GMEB2: variants seen among roughly 807,000 people sequenced by gnomAD.
GMEB2 encodes glucocorticoid modulatory element-binding protein 2.
GMEB2 carries 7 observed loss-of-function variants against 45.7 expected under a neutral mutation model. That is an observed-to-expected ratio of 0.15 (90% CI 0.09 to 0.29). The LOEUF is 0.29. Ranked by LOEUF, GMEB2 falls within the 10% of genes least tolerant of loss-of-function variation. The probability of loss-of-function intolerance (pLI) is 1.00; values close to 1 mark genes in which losing one functional copy is unlikely to be tolerated. For synonymous variants in GMEB2, 322 were observed against 323.6 expected (o/e 1.00, Z 0.05); for missense variants, 582 against 739.2 (o/e 0.79, Z 2.47).
intron 4 of GMEB2, among the ~76,000 whole-genome samples, chr20:63,601,637 G>A (rs1291464337): frequency 6.6e-6 from 1 of 151,918 alleles, no homozygotes; most frequent in South Asian, 2.1e-4. Flanking sequence ...GCCTCCCAAA[G>A]TGTCAGGATT....
chr20:63,620,871 T>C (rs1045561527), intron 1 of GMEB2, among the ~76,000 whole-genome samples: 1 of 152,162 alleles, frequency 6.6e-6, no homozygotes, highest in Non-Finnish European at 1.5e-5. Context: ...GTCTGGTTGA[T>C]TCTCAAAGGA....
intron 4 of GMEB2, among the ~76,000 whole-genome samples, chr20:63,601,622 C>T (rs1436519912): frequency 4.6e-5 from 7 of 152,104 alleles, no homozygotes; most frequent in Admixed American, 3.3e-4. Context: ...AATCCTCCTG[C>T]CTCGGCCTCC....
At chr20:63,618,704 G>A (rs1032332839) in intron 2 of GMEB2, among the ~76,000 whole-genome samples, 7 of 152,138 alleles carry the variant, frequency 4.6e-5, no homozygotes, top group Admixed American at 2.0e-4. Context: ...GGCAGCCTGG[G>A]ACTGCCCGGG....
At chr20:63,595,120 A>T (rs549214617) in intron 6 of GMEB2, among the ~76,000 whole-genome samples, 3 of 152,358 alleles carry the variant, frequency 2.0e-5, no homozygotes, top group African/African-American at 7.2e-5. Context: ...AGAGCTACAG[A>T]CACCAACGTG....
chr20:63,623,569 C>T (rs1362180627), intron 1 of GMEB2, among the ~76,000 whole-genome samples: 2 of 151,802 alleles, frequency 1.3e-5, no homozygotes, highest in African/African-American at 4.8e-5. Context: ...GAGGCCGCGG[C>T]GGGTGGATCA....
In GMEB2 at chr20:63,589,127, G is replaced by A. The variant is rs932238273; in HGVS notation, c.*962C>T. On this transcript the variant is annotated 3_prime_UTR_variant, in exon 10 of 10. Transcript: ENST00000370077. ...CTGAAGGGCCCACATGGGAATCCTC[G>A]ACCTCCATAGTGACTGGTTCTGTTT... 201 of 398,786 alleles carry A rather than the reference G, an allele frequency of 5.0e-4. No individual in the cohort carries two copies. Among genetic ancestry groups the A allele is most frequent in the Non-Finnish European group, 6.6e-5 (15 of 226,148 alleles). 24.7% of individuals were successfully genotyped at this position (398,786 alleles called of 1,614,324 possible).
intron 1 of GMEB2, among the ~76,000 whole-genome samples, chr20:63,621,667 C>CAAAAAAAAA (rs56222018): frequency 3.7e-5 from 2 of 54,610 alleles, no homozygotes; most frequent in Non-Finnish European, 6.1e-5. Context: ...AACTCCATCT[C>CAAAAAAAAA]AAAAAAAAAA....
In GMEB2 at chr20:63,610,389, C is replaced by T. The variant is rs181778010; in HGVS notation, c.132-5549G>A. Among the ~76,000 whole-genome samples the T allele has an allele frequency of 4.0e-3, 604 of 152,166 alleles. 22 individuals carry two copies. The highest frequency in any genetic ancestry group is 0.037 in the Admixed American group (563 of 15,280). On this transcript the variant is annotated intron_variant, in intron 2 of 9. Transcript: ENST00000370077. ...ACAAAAAATTAGCCGGGCGTGGTGG[C>T]GGGCGCCTGTAGGCCCAGCTACTCA... is the stretch of plus-strand genomic sequence containing the variant.
At position 63,593,082 on chromosome 20, in the gene GMEB2, A is replaced by G. The variant is rs776946146; in HGVS notation, c.620T>C (p.Val207Ala). The G allele has an allele frequency of 1.1e-5, 18 of 1,606,446 alleles. No individual in the cohort carries two copies. The highest frequency in any genetic ancestry group is 1.5e-5 in the Non-Finnish European group (18 of 1,174,256). The change falls in exon 7 of 10, where the codon GTG becomes GCG. Residue 207 changes from valine (V) to alanine (A), a missense_variant and splice_region_variant. Physicochemically the swap from Val to Ala is moderately conservative, Grantham distance 64. Transcript: ENST00000370077. The surrounding 1 kb of genome is among the most constrained non-coding windows in gnomAD (Gnocchi z 4.7). Reference protein sequence around the residue: ...YIPLTPAAADVNGSPATITIE... With the variant: ...YIPLTPAAADANGSPATITIE... Reference sequence around the variant, plus strand: ...GGTGATGGTCGCAGGAGACCCATTCACTGCAGCCGAAAGGGAACCTCGGGT... The same window carrying G: ...GGTGATGGTCGCAGGAGACCCATTCGCTGCAGCCGAAAGGGAACCTCGGGT...
At chr20:63,603,927 G>A (rs1414209207) in intron 3 of GMEB2, among the ~76,000 whole-genome samples, 5 of 151,730 alleles carry the variant, frequency 3.3e-5, no homozygotes, top group South Asian at 2.1e-4. Flanking sequence ...GGTGGCATGT[G>A]CTTGTAATCT....
chr20:63,597,693 A>T, intron 5 of GMEB2, 64 bp downstream of exon 5: 1 of 933,696 alleles, frequency 1.1e-6, no homozygotes, highest in East Asian at 2.4e-5. Flanking sequence ...CCAAAACCCC[A>T]CAAGAAAGCA....
chr20:63,615,555 G>C, intron 2 of GMEB2, among the ~76,000 whole-genome samples: 1 of 152,054 alleles, frequency 6.6e-6, no homozygotes. Context: ...TCAACTCCTG[G>C]GCTCAAGCAA....
chr20:63,617,602 G>A (rs193230606), intron 2 of GMEB2, among the ~76,000 whole-genome samples: 16 of 151,944 alleles, frequency 1.1e-4, no homozygotes, highest in Non-Finnish European at 7.4e-5. Flanking sequence ...CGGCAGCCGC[G>A]GCCACGGAGT....
At chr20:63,622,744 A>C (rs756040938) in intron 1 of GMEB2, among the ~76,000 whole-genome samples, 14 of 152,204 alleles carry the variant, frequency 9.2e-5, no homozygotes, top group Non-Finnish European at 1.9e-4. Flanking sequence ...GTAACCCTTG[A>C]CCAGAGATCC....
At chr20:63,597,909 A>G in intron 4 of GMEB2, 49 bp from the exon 5 acceptor site, 1 of 1,078,778 alleles carries the variant, frequency 9.3e-7, no homozygotes, top group Non-Finnish European at 1.4e-6. Context: ...GACACCACAT[A>G]GGGTGCCCCC....
intron 2 of GMEB2, among the ~76,000 whole-genome samples, chr20:63,618,051 C>T (rs1436295969): frequency 2.2e-4 from 33 of 152,354 alleles, no homozygotes; most frequent in Admixed American, 2.0e-3. Flanking sequence ...CCAGCAGCCG[C>T]GGCCACGGCG....
chr20:63,597,355 G>T (rs1012279685), intron 5 of GMEB2, among the ~76,000 whole-genome samples: 1 of 151,526 alleles, frequency 6.6e-6, no homozygotes, highest in Non-Finnish European at 1.5e-5. Context: ...GTAGAGATGA[G>T]GTCTCATTAT....
chr20:63,589,303 G>A lies in GMEB2; in HGVS notation c.*786C>T, dbSNP rs778059451. ...CAGGGGCCACCCAAAGAGCTAACTCGGGAAGCCTAGGCACTCACCATTATT... is the reference window on the plus strand; with the variant it reads ...CAGGGGCCACCCAAAGAGCTAACTCAGGAAGCCTAGGCACTCACCATTATT... On this transcript the variant is annotated 3_prime_UTR_variant, in exon 10 of 10. Coordinates refer to ENST00000370077, the MANE Select transcript of GMEB2 (RefSeq NM_012384.5). The A allele has an allele frequency of 3.5e-5, 14 of 398,232 alleles. No individual in the cohort carries two copies. The highest frequency in any genetic ancestry group is 2.8e-4 in the South Asian group (2 of 7,054). 24.7% of individuals were successfully genotyped at this position (398,232 alleles called of 1,614,324 possible).
chr20:63,624,846 T>C (rs558367365), intron 1 of GMEB2, among the ~76,000 whole-genome samples: 6 of 152,142 alleles, frequency 3.9e-5, no homozygotes, highest in Admixed American at 1.3e-4. Flanking sequence ...TAGCTGGGAT[T>C]ACAGGCGCCC....
Sources: gnomAD v4.1 joint callset for allele counts (sites outside exome capture counted in the v4.1 genomes callset) on GRCh38, gnomAD v4.1.1 for gene constraint, Gnocchi (gnomAD v3.1) non-coding constraint, MANE v1.5 for transcripts, NCBI Gene and HGNC (gene_info 2026-07-23, HGNC 2026-07-21) for gene names.